Variants in ISOC1 observed in about 807,000 individuals in gnomAD.
ISOC1 encodes isochorismatase domain-containing protein 1.
In ISOC1, 33 loss-of-function variants were observed where a neutral mutation model predicts 30.0. The ratio of observed to expected loss-of-function variants is 1.10; its 90% CI spans 0.83 to 1.47. The LOEUF (loss-of-function observed/expected upper bound fraction) is 1.47, where lower values mean the gene tolerates loss of function less well. ISOC1 is among the 40% of genes most tolerant of loss of function. The pLI is 0.00. For missense variants in ISOC1, 372 were observed against 388.0 expected (o/e 0.96, Z 0.35); for synonymous variants, 178 against 159.8 (o/e 1.11, Z -0.86).
At chr5:129,105,146 T>C (rs1485157913) in intron 2 of ISOC1, 39 bp from the exon 3 acceptor site, 2 of 1,612,756 alleles carry the variant, frequency 1.2e-6, no homozygotes, top group South Asian at 2.2e-5. Flanking sequence ...CATATATGTA[T>C]ATAGCTAATT....
Sources: allele counts gnomAD v4.1 joint callset, GRCh38; gene constraint gnomAD v4.1.1; transcripts MANE v1.5; gene names NCBI Gene and HGNC (gene_info 2026-07-23, HGNC 2026-07-21).